Variants in MYO5B observed in about 807,000 individuals in gnomAD.
MYO5B encodes unconventional myosin-Vb.
A neutral mutation model predicts 229.3 loss-of-function variants in MYO5B; 143 were observed. The observed-to-expected ratio is 0.62, with a 90% CI of 0.54 to 0.72. The LOEUF is 0.72. MYO5B is among the 30% of genes least tolerant of loss of function. The pLI, the probability that MYO5B is intolerant of heterozygous loss-of-function variation, is 0.00. For missense variants in MYO5B, 2,321 were observed against 2,331.0 expected, an observed-to-expected ratio of 1.00 and a Z score of 0.09; for synonymous variants, 918 against 885.2, an observed-to-expected ratio of 1.04 and a Z score of -0.66.
chr18:50,164,795 G>A (rs1705525), intron 1 of MYO5B, among the ~76,000 whole-genome samples: 147,855 of 152,264 alleles, frequency 0.97, 71,936 homozygotes, highest in East Asian at 1. Context: ...CCCTGTGTCA[G>A]TATGTTCTCA....
At position 49,880,407 on chromosome 18, in the gene MYO5B, C is replaced by G; in HGVS notation, c.3094G>C (p.Glu1032Gln). Reference sequence around the variant, plus strand: ...CACAGGATTTGGTTGTTGAGCTGTTCTTTCTCATCTTTCAAGAGAGCATTT... The same window carrying G: ...CACAGGATTTGGTTGTTGAGCTGTTGTTTCTCATCTTTCAAGAGAGCATTT... Reference protein sequence around the residue: ...QENALLKDEKEQLNNQILCQS... With the variant: ...QENALLKDEKQQLNNQILCQS... Residue 1032 changes from glutamate to glutamine, a missense_variant, in exon 23 of 40, where the codon GAA becomes CAA. This residue lies in a region of MYO5B where 2,113 missense variants were observed against 2,044.7 expected (regional missense o/e 1.03). Coordinates refer to ENST00000285039, the MANE Select transcript of MYO5B (RefSeq NM_001080467.3). 1 of 1,614,124 alleles carries G rather than the reference C, an allele frequency of 6.2e-7. No homozygotes were observed. Among genetic ancestry groups the G allele is most frequent in the Non-Finnish European group, 8.5e-7 (1 of 1,179,996 alleles).
At chr18:49,936,474 G>A (rs928029125) in intron 15 of MYO5B, 125 bp from the exon 16 acceptor site, 1 of 779,476 alleles carries the variant, frequency 1.3e-6, no homozygotes, top group Non-Finnish European at 2.2e-6. Context: ...AAGGATGGAA[G>A]AAATTTCAGA....
intron 33 of MYO5B, among the ~76,000 whole-genome samples, chr18:49,843,839 A>C (rs2024092766): frequency 6.6e-6 from 1 of 152,216 alleles, no homozygotes; most frequent in Non-Finnish European, 1.5e-5. Context: ...GGCTGGCTCC[A>C]GAATTAGACA....
chr18:49,881,847 T>C (rs1345029795), intron 22 of MYO5B, among the ~76,000 whole-genome samples: 2 of 152,066 alleles, frequency 1.3e-5, no homozygotes, highest in East Asian at 1.9e-4. Context: ...AAAAATGTTT[T>C]TGCTATTTAT....
intron 22 of MYO5B, among the ~76,000 whole-genome samples, chr18:49,888,532 T>G (rs2027705): frequency 0.072 from 10,987 of 152,148 alleles, 904 homozygotes; most frequent in East Asian, 0.3. Flanking sequence ...GGTTTGGGAA[T>G]GTGAAGAGTT....
chr18:50,001,960 G>A (rs557719613), intron 4 of MYO5B, among the ~76,000 whole-genome samples: 199 of 150,004 alleles, frequency 1.3e-3, no homozygotes, highest in African/African-American at 4.5e-3. Flanking sequence ...CGCTTGAACC[G>A]AGGAGGCAGA....
At chr18:50,078,939 G>A (rs905608243) in intron 1 of MYO5B, among the ~76,000 whole-genome samples, 1 of 152,188 alleles carries the variant, frequency 6.6e-6, no homozygotes, top group Non-Finnish European at 1.5e-5. Flanking sequence ...CACTACATGT[G>A]ACAGCAAGGA....
chr18:49,914,643 G>A (rs1273719749), intron 17 of MYO5B, among the ~76,000 whole-genome samples: 1 of 151,930 alleles, frequency 6.6e-6, no homozygotes, highest in Non-Finnish European at 1.5e-5. Context: ...AGCTGGGCAT[G>A]GTGGTGGATG....
In MYO5B at chr18:50,036,890, T is replaced by C. The variant is rs1268717399; in HGVS notation, c.415A>G (p.Ile139Val). The C allele has an allele frequency of 3.1e-6, 5 of 1,614,044 alleles. No individual in the cohort carries two copies. Among genetic ancestry groups the C allele is most frequent in the Non-Finnish European group, 4.2e-6 (5 of 1,180,044 alleles). ...GQNMGDMDPH[I>V]FAVAEEAYKQ... ...TAGGCTTCTTCTGCCACAGCAAAGA[T>C]GTGGGGGTCCATGTCTCCCATGTTT... The change falls in exon 4 of 40, where the codon ATC becomes GTC. Residue 139 changes from isoleucine (I) to valine (V), a missense_variant. Physicochemically the swap from Ile to Val is conservative, Grantham distance 29. Transcript: ENST00000285039.
intron 26 of MYO5B, 27 bp from the exon 27 acceptor site, chr18:49,872,259 G>A: frequency 1.2e-6 from 2 of 1,611,308 alleles, no homozygotes; most frequent in South Asian, 1.1e-5. Flanking sequence ...ACAAAGATAA[G>A]TGCAGACCTC....
intron 1 of MYO5B, among the ~76,000 whole-genome samples, chr18:50,157,094 T>TG (rs1469532751): frequency 1.3e-5 from 2 of 151,968 alleles, no homozygotes; most frequent in African/African-American, 4.8e-5. Flanking sequence ...TGTTTTGTTT[T>TG]TTTTTTTTGG....
At chr18:50,131,484 G>A (rs888341039) in intron 1 of MYO5B, among the ~76,000 whole-genome samples, 2 of 152,162 alleles carry the variant, frequency 1.3e-5, no homozygotes, top group East Asian at 3.8e-4. Flanking sequence ...CCTCACTCCT[G>A]CCACTTCCTA....
chr18:50,112,593 C>G (rs901314075), intron 1 of MYO5B, among the ~76,000 whole-genome samples: 1 of 152,128 alleles, frequency 6.6e-6, no homozygotes, highest in African/African-American at 2.4e-5. Context: ...TTATGCCCCA[C>G]GAAAAACCTT....
chr18:50,005,152 T>C lies in MYO5B; in HGVS notation c.456-3741A>G, dbSNP rs530685064. ...ATCGTATTTTTCCCACTCAAAAAAG[T>C]TAAATAACTACTCATTGCTTATCAA... is the stretch of plus-strand genomic sequence containing the variant. On this transcript the variant is annotated intron_variant, in intron 4 of 39. Coordinates refer to ENST00000285039, the MANE Select transcript of MYO5B (RefSeq NM_001080467.3). Among the ~76,000 whole-genome samples, 16 of 152,322 alleles carry C rather than the reference T, an allele frequency of 1.1e-4. No individual in the cohort carries two copies. The South Asian group carries it at 3.3e-3, about 32-fold the overall frequency.
chr18:50,094,655 A>G (rs536999414), intron 1 of MYO5B, among the ~76,000 whole-genome samples: 1 of 152,292 alleles, frequency 6.6e-6, no homozygotes, highest in Admixed American at 6.5e-5. Flanking sequence ...TATGGAGACC[A>G]GTGTTGCTTT....
intron 4 of MYO5B, among the ~76,000 whole-genome samples, chr18:50,002,922 T>C (rs774571686): frequency 2.6e-5 from 4 of 152,032 alleles, no homozygotes; most frequent in African/African-American, 4.8e-5. Flanking sequence ...ACCACAGGGG[T>C]TTGCCCTGCC....
chr18:49,921,964 C>T (rs946522946), intron 17 of MYO5B, among the ~76,000 whole-genome samples: 15 of 152,206 alleles, frequency 9.9e-5, no homozygotes, highest in African/African-American at 3.4e-4. Flanking sequence ...TTGGAAACAG[C>T]TGTGCAAAGT....
intron 1 of MYO5B, among the ~76,000 whole-genome samples, chr18:50,090,861 C>T (rs893592924): frequency 6.6e-6 from 1 of 152,158 alleles, no homozygotes; most frequent in African/African-American, 2.4e-5. Flanking sequence ...TGAGGGCTTC[C>T]TGTTCAAACA....
At chr18:50,102,631 G>A (rs1013504551) in intron 1 of MYO5B, among the ~76,000 whole-genome samples, 1 of 152,124 alleles carries the variant, frequency 6.6e-6, no homozygotes, top group African/African-American at 2.4e-5. Context: ...GCCCAGAAGA[G>A]AGAATCAGAA....
Sources: allele counts gnomAD v4.1 joint callset (sites outside exome capture counted in the v4.1 genomes callset), GRCh38; gene constraint gnomAD v4.1.1; regional missense constraint gnomAD v4.1.1; transcripts MANE v1.5; gene names NCBI Gene and HGNC (gene_info 2026-07-23, HGNC 2026-07-21).